Variants in KLF12 observed in about 807,000 individuals in gnomAD.
The protein encoded by KLF12 is KLF transcription factor 12.
Under a neutral mutation model 37.8 loss-of-function variants are expected in KLF12, and 9 were observed. That is an observed-to-expected ratio of 0.24 (90% CI 0.14 to 0.42). KLF12 has a LOEUF of 0.42. KLF12 is among the 10% of genes least tolerant of loss of function. KLF12 has a pLI of 1.00. For synonymous variants in KLF12, 208 were observed against 202.1 expected (o/e 1.03, Z -0.25); for missense variants, 411 against 516.0 (o/e 0.80, Z 1.97).
chr13:73,858,954 C>T (rs562618135), intron 3 of KLF12, among the ~76,000 whole-genome samples: 22 of 152,172 alleles, frequency 1.4e-4, no homozygotes, highest in South Asian at 4.1e-4. Flanking sequence ...GATTTTAAAA[C>T]GCAGGAAAAA....
At chr13:74,181,412 G>C in the KLF12 span, among the ~76,000 whole-genome samples, 4 of 150,308 alleles carry the variant, frequency 2.7e-5, no homozygotes, top group Non-Finnish European at 5.9e-5. Context: ...GCTGGGTGTG[G>C]TGGCTCACGC....
intron 5 of KLF12, among the ~76,000 whole-genome samples, chr13:73,767,401 C>T (rs1185654540): frequency 6.6e-6 from 1 of 152,222 alleles, no homozygotes; most frequent in Non-Finnish European, 1.5e-5. Context: ...TAGCCTCACA[C>T]AGGCTCGATT....
chr13:74,035,845 T>A lies in KLF12; in HGVS notation c.-31-40792A>T, dbSNP rs9573344. The stretch of plus-strand genomic sequence containing the variant: ...AAGACTGGTAATTTGAGAGTAACAA[T>A]TCAAATCTCTATAGGATTTTGCAAT... On this transcript the variant is annotated intron_variant, in intron 1 of 7. Transcript: ENST00000377669. 9.8e-5 allele frequency among the ~76,000 whole-genome samples: 15 copies of A among 152,344 alleles called. No homozygotes were observed. The East Asian group carries it at 2.7e-3, about 27-fold the overall frequency.
intron 1 of KLF12, among the ~76,000 whole-genome samples, chr13:74,050,330 C>T (rs952365079): frequency 2.6e-5 from 4 of 152,148 alleles, no homozygotes; most frequent in Admixed American, 6.5e-5. Flanking sequence ...ATATTTTACA[C>T]ATGCTGGATT....
At chr13:74,233,610 G>T in the KLF12 span, among the ~76,000 whole-genome samples, 1 of 152,214 alleles carries the variant, frequency 6.6e-6, no homozygotes, top group East Asian at 1.9e-4. Flanking sequence ...CTCATGAATT[G>T]TTTGTAGAAA....
chr13:74,258,161 T>TTGTGTGTGTG, the KLF12 span: 2,980 of 133,864 alleles, frequency 0.022, 51 homozygotes, highest in Middle Eastern at 0.042. Flanking sequence ...ATTACTGTGT[T>TTGTGTGTGTG]TGTGTGTGTG....
At chr13:74,275,859 TTTCTTTCTATCTTTCTTTCTTCTTTC>T in the KLF12 span, among the ~76,000 whole-genome samples, 1 of 123,078 alleles carries the variant, frequency 8.1e-6, no homozygotes, top group African/African-American at 3.3e-5. Context: ...TCTTTCTTTC[TTTCTTTCTATCTTTCTTTCTTCTTTC>T]TTTCTTTCTT....
At chr13:73,744,455 T>C (rs1878225419) in intron 6 of KLF12, among the ~76,000 whole-genome samples, 3 of 149,692 alleles carry the variant, frequency 2.0e-5, no homozygotes, top group South Asian at 4.2e-4. Context: ...CTTTTCAAGA[T>C]AGGCCTTTAT....
chr13:73,982,554 A>C (rs933922389), intron 2 of KLF12, among the ~76,000 whole-genome samples: 2 of 152,282 alleles, frequency 1.3e-5, no homozygotes, highest in Non-Finnish European at 2.9e-5. Flanking sequence ...TAAAAAATAA[A>C]AAAGAAATCT....
At chr13:73,718,904 T>C (rs1345137721) in intron 6 of KLF12, among the ~76,000 whole-genome samples, 1 of 151,918 alleles carries the variant, frequency 6.6e-6, no homozygotes, top group Non-Finnish European at 1.5e-5. Context: ...AAAAAAGAGT[T>C]AACTGAAATG....
chr13:74,299,974 C>G, the KLF12 span, among the ~76,000 whole-genome samples: 1 of 152,170 alleles, frequency 6.6e-6, no homozygotes, highest in African/African-American at 2.4e-5. Flanking sequence ...AAAGTTTTCA[C>G]TTCTCTTTTT....
At chr13:74,226,094 G>A in the KLF12 span, among the ~76,000 whole-genome samples, 1 of 151,872 alleles carries the variant, frequency 6.6e-6, no homozygotes, top group Non-Finnish European at 1.5e-5. Flanking sequence ...GATAAATGGT[G>A]GAAATAGCTT....
chr13:73,722,629 C>T (rs548424037), intron 6 of KLF12, among the ~76,000 whole-genome samples: 17 of 152,230 alleles, frequency 1.1e-4, no homozygotes, highest in African/African-American at 3.9e-4. Context: ...TAGTTGCCAC[C>T]CTTTTCAGAA....
the KLF12 span, among the ~76,000 whole-genome samples, chr13:74,148,091 A>G: frequency 6.6e-6 from 1 of 151,238 alleles, no homozygotes; most frequent in African/African-American, 2.4e-5. Context: ...TATTTTTTGT[A>G]TTTTTAGTAG....
intron 3 of KLF12, among the ~76,000 whole-genome samples, chr13:73,906,225 G>A (rs1888287266): frequency 6.6e-6 from 1 of 151,808 alleles, no homozygotes; most frequent in African/African-American, 2.4e-5. Context: ...ATCCTACTTG[G>A]GATACTTTGT....
In KLF12 at chr13:73,838,549, T is replaced by C. The variant is rs942553109; in HGVS notation, c.670+7278A>G. Among the ~76,000 whole-genome samples, 8 of 152,328 alleles carry C rather than the reference T, an allele frequency of 5.3e-5. No individual in the cohort carries two copies. The East Asian group carries it at 1.5e-3, about 29-fold the overall frequency. On this transcript the variant is annotated intron_variant, in intron 4 of 7. Coordinates refer to ENST00000377669, the MANE Select transcript of KLF12 (RefSeq NM_007249.5). Reference sequence around the variant, plus strand: ...CTTCATACTCAAGGATCTAAACACATGATTATTTTAATAAGAAATAATGCA... The same window carrying C: ...CTTCATACTCAAGGATCTAAACACACGATTATTTTAATAAGAAATAATGCA...
At chr13:73,806,158 G>C (rs146089448) in intron 5 of KLF12, among the ~76,000 whole-genome samples, 1,952 of 150,656 alleles carry the variant, frequency 0.013, 42 homozygotes, top group African/African-American at 0.042. Context: ...TGTTGCCCAG[G>C]CTGGAGTGCA....
At position 73,694,755 on chromosome 13, in the gene KLF12, C is replaced by T. The variant is rs917753462; in HGVS notation, c.*735G>A. 6.6e-6 allele frequency: 1 copy of T among 152,658 alleles called. No homozygotes were observed. Among genetic ancestry groups the T allele is most frequent in the African/African-American group, 2.4e-5 (1 of 41,440 alleles). 9.5% of individuals were successfully genotyped at this position (152,658 alleles called of 1,614,324 possible). On this transcript the variant is annotated 3_prime_UTR_variant, in exon 8 of 8. Coordinates refer to ENST00000377669, the MANE Select transcript of KLF12 (RefSeq NM_007249.5). ...ACCTCTGTGCCAGTCCATGCCAGGGCAGAGACCAGGACGAGACTTCAACTG... is the reference window on the plus strand; with the variant it reads ...ACCTCTGTGCCAGTCCATGCCAGGGTAGAGACCAGGACGAGACTTCAACTG...
chr13:73,927,626 G>C (rs1889457552), intron 3 of KLF12, among the ~76,000 whole-genome samples: 1 of 152,002 alleles, frequency 6.6e-6, no homozygotes, highest in African/African-American at 2.4e-5. Flanking sequence ...GCCCAGGCTG[G>C]AGTGCAGTGG....
Sources: allele counts gnomAD v4.1 joint callset (sites outside exome capture counted in the v4.1 genomes callset), GRCh38; gene constraint gnomAD v4.1.1; transcripts MANE v1.5; gene names NCBI Gene and HGNC (gene_info 2026-07-23, HGNC 2026-07-21).